The following NCK2 variants were observed in gnomAD, a reference collection of about 807,000 sequenced individuals.
NCK2 encodes cytoplasmic protein NCK2.
NCK2 carries 16 observed loss-of-function variants against 33.9 expected under a neutral mutation model. The ratio of observed to expected loss-of-function variants is 0.47; its 90% CI spans 0.32 to 0.72. The LOEUF (loss-of-function observed/expected upper bound fraction) is 0.72. Among genes scored for constraint, NCK2 ranks in the 30% least tolerant of loss-of-function variants. NCK2 has a pLI of 0.03. For missense variants in NCK2, 418 were observed against 537.3 expected (o/e 0.78, Z 2.19); for synonymous variants, 273 against 239.9 (o/e 1.14, Z -1.27).
chr2:105,894,039 T>G lies in NCK2; in HGVS notation c.*863T>G, dbSNP rs570900625. ...CACACACTATATATATATATATTAT[T>G]TACAGGGAAATTTTTCAGGGTTTAC... On this transcript the variant is annotated 3_prime_UTR_variant, in exon 5 of 5. Transcript: ENST00000233154. The G allele has an allele frequency of 5.3e-5, 8 of 152,196 alleles. No individual in the cohort carries two copies. The South Asian group carries it at 1.7e-3, about 32-fold the overall frequency. 9.4% of individuals were successfully genotyped at this position (152,196 alleles called of 1,614,324 possible).
intron 1 of NCK2, among the ~76,000 whole-genome samples, chr2:105,812,622 G>A (rs940245630): frequency 2.0e-5 from 3 of 152,096 alleles, no homozygotes; most frequent in Non-Finnish European, 2.9e-5. Context: ...AGAGCTCTGA[G>A]GCCTATGCTA....
chr2:105,803,233 G>A (rs1027741758), intron 1 of NCK2, among the ~76,000 whole-genome samples: 7 of 152,000 alleles, frequency 4.6e-5, no homozygotes, highest in African/African-American at 1.7e-4. Flanking sequence ...TAAATTCTAA[G>A]GCAGATATTT....
chr2:105,887,271 T>C (rs990272724), intron 4 of NCK2, among the ~76,000 whole-genome samples: 1 of 152,248 alleles, frequency 6.6e-6, no homozygotes, highest in African/African-American at 2.4e-5. Context: ...TTCTCACTTT[T>C]GGGAGGTAAA....
chr2:105,782,170 T>C (rs996782144), intron 1 of NCK2, among the ~76,000 whole-genome samples: 1 of 152,122 alleles, frequency 6.6e-6, no homozygotes, highest in Non-Finnish European at 1.5e-5. Flanking sequence ...ATCATCTCTT[T>C]CCCCTCTCTT....
chr2:105,835,707 A>G (rs1054412970), intron 2 of NCK2, among the ~76,000 whole-genome samples: 8 of 151,830 alleles, frequency 5.3e-5, no homozygotes, highest in Non-Finnish European at 1.5e-5. Context: ...TTACTTTATT[A>G]AAGAGGGTTT....
chr2:105,821,255 A>G (rs1490115107), intron 2 of NCK2, among the ~76,000 whole-genome samples: 1 of 152,134 alleles, frequency 6.6e-6, no homozygotes, highest in African/African-American at 2.4e-5. Context: ...TGCCCCCAAC[A>G]GGTTATTTAG....
At chr2:105,831,674 GA>G (rs1210012171) in intron 2 of NCK2, among the ~76,000 whole-genome samples, 1 of 152,004 alleles carries the variant, frequency 6.6e-6, no homozygotes, top group African/African-American at 2.4e-5. Flanking sequence ...CTATGTTCTT[GA>G]CACCTTTGTT....
At position 105,893,198 on chromosome 2, in the gene NCK2, G is replaced by T; in HGVS notation, c.*22G>T. ...GTGACGGCGCCCCGGCCCCACACTC[G>T]CCTCCCGGGCCCCACGGTGGAGCTG... On this transcript the variant is annotated 3_prime_UTR_variant, in exon 5 of 5. Transcript: ENST00000233154. 1 of 1,553,362 alleles carries T rather than the reference G, an allele frequency of 6.4e-7. No individual in the cohort carries two copies.
rs946615253 is a variant in NCK2, at chr2:105,892,969, G to C, written c.949-13G>C. 6.3e-6 allele frequency: 10 copies of C among 1,599,626 alleles called. No homozygotes were observed. The Admixed American group carries it at 8.4e-5, about 13-fold the overall frequency. On this transcript the variant is annotated splice_polypyrimidine_tract_variant and intron_variant, in intron 4 of 4. Transcript: ENST00000233154. ...TGTGGCCCGGCTGTAACTGTGTTCT[G>C]TTTCCTCCCCAGCCCAGCGACTTCT...
At chr2:105,882,125 T>G in intron 4 of NCK2, 76 bp downstream of exon 4, 1 of 1,381,074 alleles carries the variant, frequency 7.2e-7, no homozygotes, top group Non-Finnish European at 9.4e-7. Flanking sequence ...TGCCGCGCCC[T>G]TTTCACATTG....
intron 1 of NCK2, among the ~76,000 whole-genome samples, chr2:105,752,553 A>C (rs1558821017): frequency 6.6e-6 from 1 of 152,216 alleles, no homozygotes; most frequent in Non-Finnish European, 1.5e-5. Context: ...AAAAAACAAC[A>C]TTGTATACAG....
intron 3 of NCK2, among the ~76,000 whole-genome samples, chr2:105,873,052 C>A (rs1334596733): frequency 1.3e-5 from 2 of 152,210 alleles, no homozygotes; most frequent in East Asian, 3.9e-4. Context: ...CACTGTCCTT[C>A]CATATCCCAC....
At chr2:105,759,363 G>A (rs1689690704) in intron 1 of NCK2, among the ~76,000 whole-genome samples, 1 of 152,148 alleles carries the variant, frequency 6.6e-6, no homozygotes, top group African/African-American at 2.4e-5. Flanking sequence ...CTGATCAATA[G>A]GGGTATTTAT....
intron 1 of NCK2, among the ~76,000 whole-genome samples, chr2:105,769,119 T>C (rs1190386630): frequency 1.3e-5 from 2 of 152,190 alleles, no homozygotes; most frequent in African/African-American, 4.8e-5. Flanking sequence ...AGCTCAGGTG[T>C]GGTGCACTGG....
intron 2 of NCK2, among the ~76,000 whole-genome samples, chr2:105,817,637 T>C (rs1328109453): frequency 1.3e-5 from 2 of 152,136 alleles, no homozygotes; most frequent in Non-Finnish European, 2.9e-5. Context: ...CAGACACTGC[T>C]CAAAAGAAGA....
chr2:105,888,223 T>G (rs2104681878), intron 4 of NCK2, among the ~76,000 whole-genome samples: 1 of 152,348 alleles, frequency 6.6e-6, no homozygotes, highest in South Asian at 2.1e-4. Flanking sequence ...TGGGTTGTAC[T>G]AATTGTTCAT....
chr2:105,778,132 T>C (rs987219780), intron 1 of NCK2, among the ~76,000 whole-genome samples: 3 of 152,150 alleles, frequency 2.0e-5, no homozygotes, highest in Non-Finnish European at 4.4e-5. Context: ...ACAAGATGTG[T>C]TGTGAAGGAG....
At chr2:105,824,062 G>A (rs941699642) in intron 2 of NCK2, among the ~76,000 whole-genome samples, 2 of 152,094 alleles carry the variant, frequency 1.3e-5, no homozygotes, top group Non-Finnish European at 2.9e-5. Flanking sequence ...ATGTGGCCAG[G>A]GACAGGGAGA....
At chr2:105,823,433 T>C (rs1675825077) in intron 2 of NCK2, among the ~76,000 whole-genome samples, 1 of 151,892 alleles carries the variant, frequency 6.6e-6, no homozygotes, top group South Asian at 2.1e-4. Context: ...GCATTTTGAG[T>C]TTGAGATTTC....
Sources: gnomAD v4.1 joint callset for allele counts (sites outside exome capture counted in the v4.1 genomes callset) on GRCh38, gnomAD v4.1.1 for gene constraint, MANE v1.5 for transcripts, NCBI Gene and HGNC (gene_info 2026-07-23, HGNC 2026-07-21) for gene names.